The following CTDP1 variants were observed in gnomAD, a reference collection of about 807,000 sequenced individuals.
CTDP1 encodes RNA polymerase II subunit A C-terminal domain phosphatase.
In CTDP1, 47 loss-of-function variants were observed where a neutral mutation model predicts 91.8. The ratio of observed to expected loss-of-function variants is 0.51; its 90% CI spans 0.41 to 0.65. The LOEUF (loss-of-function observed/expected upper bound fraction) is 0.65. Ranked by LOEUF, CTDP1 falls within the 30% of genes least tolerant of loss-of-function variation. The pLI is 0.00. For missense variants in CTDP1, 1,272 were observed against 1,373.7 expected (o/e 0.93, Z 1.17); for synonymous variants, 656 against 598.5 (o/e 1.10, Z -1.40).
upstream of CTDP1, chr18:79,679,311 C>G (rs912275334): frequency 4.7e-6 from 2 of 423,540 alleles, no homozygotes; most frequent in Admixed American, 2.4e-5. Flanking sequence ...GCGGGGCCAC[C>G]AGGACGCCGA....
chr18:79,729,216 A>C (rs562907853), intron 11 of CTDP1, 147 bp downstream of exon 11: 8 of 1,052,536 alleles, frequency 7.6e-6, no homozygotes, highest in East Asian at 2.4e-5. Flanking sequence ...TGGGACGAGC[A>C]CTTGTGTTTT....
intron 12 of CTDP1, among the ~76,000 whole-genome samples, chr18:79,747,183 A>G (rs1331289244): frequency 6.6e-6 from 1 of 151,958 alleles, no homozygotes; most frequent in Non-Finnish European, 1.5e-5. Flanking sequence ...TGAACTTCCC[A>G]CTTTAAAGAG....
At chr18:79,685,943 C>G (rs2085484639) in intron 1 of CTDP1, among the ~76,000 whole-genome samples, 1 of 152,160 alleles carries the variant, frequency 6.6e-6, no homozygotes, top group African/African-American at 2.4e-5. Context: ...AAGGATGATA[C>G]TTTAAAAAAG....
At position 79,727,044 on chromosome 18, in the gene CTDP1, C is replaced by T. The variant is rs994720585; in HGVS notation, c.2418-1863C>T. Among the ~76,000 whole-genome samples the T allele has an allele frequency of 5.9e-4, 90 of 151,452 alleles. 2 individuals carry two copies. The highest frequency in any genetic ancestry group is 2.2e-4 in the Non-Finnish European group (15 of 67,884). On this transcript the variant is annotated intron_variant, in intron 10 of 12. Transcript: ENST00000613122. The stretch of plus-strand genomic sequence containing the variant: ...TGGGGGTGACGCCCTTGCTGGTGGA[C>T]GGCTGTGGGGGCTGGTGAGAATCCT...
At chr18:79,680,314 C>T (rs2085333620) in intron 1 of CTDP1, 53 bp downstream of exon 1, 5 of 1,223,012 alleles carry the variant, frequency 4.1e-6, no homozygotes, top group East Asian at 3.2e-5. Context: ...GGGGAGGGAT[C>T]CTGGAGGACC....
chr18:79,721,820 TTTTA>T (rs2086350129), intron 10 of CTDP1, among the ~76,000 whole-genome samples: 1 of 146,212 alleles, frequency 6.8e-6, no homozygotes, highest in East Asian at 2.0e-4. Context: ...TCTTCAGTAT[TTTTA>T]TTTATTTTTT....
chr18:79,679,805 G>C lies in CTDP1; in HGVS notation c.-143G>C. The C allele has an allele frequency of 2.6e-6, 2 of 784,130 alleles. No homozygotes were observed. The highest frequency in any genetic ancestry group is 3.8e-6 in the Non-Finnish European group (2 of 527,948). The allele number at this position is 784,130 out of a possible 1,614,324, so 48.6% of individuals were successfully genotyped here. On this transcript the variant is annotated 5_prime_UTR_variant, in exon 1 of 13. Transcript: ENST00000613122. The stretch of plus-strand genomic sequence containing the variant: ...CGTGACGTCACGCGCCCTCCAGGAA[G>C]TCGGCGCGGGCTAGGCGACGGGTGG...
chr18:79,743,141 G>A (rs539179041), intron 12 of CTDP1, among the ~76,000 whole-genome samples: 11 of 152,332 alleles, frequency 7.2e-5, no homozygotes, highest in South Asian at 2.1e-4. Context: ...TGGTCTCACC[G>A]TGCTCCGAGT....
In CTDP1 at chr18:79,717,834, C is replaced by T. The variant is rs374012605; in HGVS notation, c.2235C>T (p.Pro745=). The part of the protein sequence containing the change: ...AQRENSPAAF[P]DREGVPPTAL... ...GGGAGAACAGCCCTGCGGCCTTTCC[C>T]GACCGGGAGGGTGTGCCCCCCACCG... The change falls in exon 10 of 13, where the codon CCC becomes CCT. Residue 745 remains proline, a synonymous_variant. Coordinates refer to ENST00000613122, the MANE Select transcript of CTDP1 (RefSeq NM_004715.5). 2.0e-5 allele frequency: 32 copies of T among 1,613,614 alleles called. No homozygotes were observed. The African/African-American group carries it at 2.4e-4, about 12-fold the overall frequency.
intron 6 of CTDP1, among the ~76,000 whole-genome samples, chr18:79,710,788 T>C (rs2086067418): frequency 6.7e-6 from 1 of 149,586 alleles, no homozygotes; most frequent in African/African-American, 2.5e-5. Context: ...CCTCGTGATC[T>C]TCCCGCCTCA....
At chr18:79,679,297 C>T (rs533956000), upstream of CTDP1, 554 of 412,486 alleles carry the variant, frequency 1.3e-3, 3 homozygotes, top group African/African-American at 0.011. Flanking sequence ...GGGGGGGACA[C>T]GAGGCGGGGC....
chr18:79,748,856 T>C (rs1054483130), intron 12 of CTDP1, among the ~76,000 whole-genome samples: 13 of 151,158 alleles, frequency 8.6e-5, no homozygotes, highest in South Asian at 2.1e-4. Context: ...GCCGTGTCTG[T>C]GTGTGAGCCG....
chr18:79,707,351 C>T (rs1034800907), intron 5 of CTDP1, among the ~76,000 whole-genome samples: 8 of 152,202 alleles, frequency 5.3e-5, no homozygotes, highest in Non-Finnish European at 8.8e-5. Flanking sequence ...GGGAGCTGCT[C>T]GCAGATTCAG....
downstream of CTDP1, chr18:79,755,154 TGTC>T (rs2087076585): frequency 6.6e-6 from 1 of 152,166 alleles, no homozygotes; most frequent in Non-Finnish European, 1.5e-5. Context: ...CTGGTGCTGC[TGTC>T]GTCAAGATGC....
Position 79,696,065 on chromosome 18 carries a change from T to C in CTDP1, c.487T>C (p.Ser163Pro). ...CAGCGTGCCGGAGTTGATGGTGAGC[T>C]CCGAGGTGAGCCGGGCATCAGTGGC... ...VHSVPELMVS[S>P]EQAEQLGRED... Residue 163 changes from serine (S) to proline (P), a missense_variant, in exon 3 of 13, where the codon TCC (serine) becomes CCC (proline). Ser to Pro is a moderately conservative substitution (Grantham distance 74). This residue lies in a region of CTDP1 where 177 missense variants were observed against 283.0 expected (regional missense o/e 0.63). Transcript: ENST00000613122. The C allele has an allele frequency of 6.2e-7, 1 of 1,611,170 alleles. No homozygotes were observed. Among genetic ancestry groups the C allele is most frequent in the Non-Finnish European group, 8.5e-7 (1 of 1,179,940 alleles).
rs780965621 is a variant in CTDP1 at position 79,715,152 on chromosome 18, G to A, written c.1692G>A (p.Ser564=). Residue 564 remains serine, a synonymous_variant, in exon 8 of 13, where the codon TCG becomes TCA. Transcript: ENST00000613122. ...CCGAGTCACAGAACAGCGAGCTGTC[G>A]GGGGTCACTGCGGGTGAGTCCCTGG... ...AETESQNSEL[S]GVTAGESLDQ... 47 of 1,613,396 alleles carry A rather than the reference G, an allele frequency of 2.9e-5. No individual in the cohort carries two copies. Among genetic ancestry groups the A allele is most frequent in the East Asian group, 1.3e-4 (6 of 44,872 alleles).
intron 1 of CTDP1, among the ~76,000 whole-genome samples, chr18:79,693,995 G>A (rs945104875): frequency 7.9e-5 from 12 of 152,222 alleles, no homozygotes; most frequent in African/African-American, 1.9e-4. Flanking sequence ...CCTTGTTTCC[G>A]CCTGTGGCCT....
downstream of CTDP1, chr18:79,754,777 T>G (rs2087070292): frequency 6.6e-6 from 1 of 152,286 alleles, no homozygotes; most frequent in Non-Finnish European, 1.5e-5. Context: ...TTGTTTGGGA[T>G]GCGGGGGCCC....
chr18:79,680,475 C>T (rs539111199), intron 1 of CTDP1, among the ~76,000 whole-genome samples: 5 of 152,352 alleles, frequency 3.3e-5, no homozygotes, highest in Admixed American at 2.0e-4. Context: ...GGAAAGGGTC[C>T]TGCGTAGCGA....
Sources: allele counts gnomAD v4.1 joint callset (sites outside exome capture counted in the v4.1 genomes callset), GRCh38; gene constraint gnomAD v4.1.1; regional missense constraint gnomAD v4.1.1; transcripts MANE v1.5; gene names NCBI Gene and HGNC (gene_info 2026-07-23, HGNC 2026-07-21).